The following STIMATE variants were observed in gnomAD, a reference collection of about 807,000 sequenced individuals.
STIMATE encodes STIM activating enhancer.
A neutral mutation model predicts 36.7 loss-of-function variants in STIMATE; 15 were observed. The observed-to-expected ratio is 0.41, with a 90% CI of 0.27 to 0.63. The LOEUF (loss-of-function observed/expected upper bound fraction) is 0.63, where lower values mean the gene tolerates loss of function less well. STIMATE is among the 20% of genes least tolerant of loss of function. The pLI is 0.32. For synonymous variants in STIMATE, 163 were observed against 162.3 expected (o/e 1.00, Z -0.03); for missense variants, 305 against 397.3 (o/e 0.77, Z 1.98).
At chr3:52,862,177 C>T (rs1457705385) in intron 1 of STIMATE, among the ~76,000 whole-genome samples, 1 of 152,194 alleles carries the variant, frequency 6.6e-6, no homozygotes, top group African/African-American at 2.4e-5. Context: ...CCTTACTCTC[C>T]TCCTTCCTTC....
intron 1 of STIMATE, among the ~76,000 whole-genome samples, chr3:52,887,780 A>C (rs1238005812): frequency 6.6e-6 from 1 of 152,170 alleles, no homozygotes; most frequent in Non-Finnish European, 1.5e-5. Context: ...TGCATCCAGG[A>C]TAAGGTCCTG....
intron 1 of STIMATE, chr3:52,896,066 C>A: frequency 3.3e-6 from 2 of 602,936 alleles, no homozygotes; most frequent in Admixed American, 2.4e-5. Context: ...TAAGACTTAT[C>A]AAGGACAGGC....
chr3:52,840,513 C>T lies in STIMATE; in HGVS notation c.866G>A (p.Arg289His), dbSNP rs540307757. 28 of 1,614,084 alleles carry T rather than the reference C, an allele frequency of 1.7e-5. No homozygotes were observed. In the East Asian group the frequency reaches 1.8e-4, roughly 10 times the overall value. The part of the protein sequence containing the change: ...PLKPVKKKKH[R>H]FGLPV ...AATGTGTCATACGGGTAGCCCAAAG[C>T]GGTGCTTCTTTTTCTTCACAGGCTT... The change falls in exon 8 of 8, where the codon CGC becomes CAC. Residue 289 changes from arginine to histidine, a missense_variant. Transcript: ENST00000355083.
At position 52,843,801 on chromosome 3, in the gene STIMATE, G is replaced by A. The variant is rs1486520779; in HGVS notation, c.541-3C>T. The stretch of plus-strand genomic sequence containing the variant: ...TCAATGGGATTCAACAGGGCCACCT[G>A]TAAAGAGAAGCAGACTCAGTGAGGT... On this transcript the variant is annotated splice_polypyrimidine_tract_variant and splice_region_variant and intron_variant, in intron 5 of 7. Transcript: ENST00000355083. 14 of 1,530,778 alleles carry A rather than the reference G, an allele frequency of 9.1e-6. No individual in the cohort carries two copies. The highest frequency in any genetic ancestry group is 1.2e-5 in the Non-Finnish European group (13 of 1,127,124). 94.8% of individuals were successfully genotyped at this position (1,530,778 alleles called of 1,614,324 possible).
rs899466589 is a variant in STIMATE, at chr3:52,895,758, G to C, written c.160+1533C>G. On this transcript the variant is annotated intron_variant, in intron 1 of 7. Transcript: ENST00000355083. ...AATCAAACCTATGGAAACAGCCAGA[G>C]CTAGGCTAAGAAACCTCAGGTTAGG... The C allele has an allele frequency of 7.1e-6, 4 of 560,406 alleles. No individual in the cohort carries two copies. In the African/African-American group the frequency reaches 7.9e-5, roughly 11 times the overall value. The allele number at this position is 560,406 out of a possible 1,614,324, so 34.7% of individuals were successfully genotyped here.
At chr3:52,893,619 AT>A (rs918772490) in intron 1 of STIMATE, among the ~76,000 whole-genome samples, 1 of 152,198 alleles carries the variant, frequency 6.6e-6, no homozygotes. Flanking sequence ...AGAAACTCTC[AT>A]TTAAGATATC....
At chr3:52,861,364 G>A (rs1429843629) in intron 1 of STIMATE, among the ~76,000 whole-genome samples, 1 of 152,166 alleles carries the variant, frequency 6.6e-6, no homozygotes, top group East Asian at 1.9e-4. Context: ...TTGTCCCCAA[G>A]CCACAGCAGG....
At chr3:52,875,023 T>TG (rs1287375966) in intron 1 of STIMATE, among the ~76,000 whole-genome samples, 18 of 152,256 alleles carry the variant, frequency 1.2e-4, no homozygotes, top group African/African-American at 3.9e-4. Context: ...AGACGGAAAA[T>TG]GCGCCACTTT....
rs1317312593 is a variant in STIMATE, at chr3:52,838,496, T to C, written c.*1998A>G. On this transcript the variant is annotated 3_prime_UTR_variant, in exon 8 of 8. Coordinates refer to ENST00000355083, the MANE Select transcript of STIMATE (RefSeq NM_198563.5). The stretch of plus-strand genomic sequence containing the variant: ...CTGTCAGGAACATGAGTCTTGGTCT[T>C]CCTAAATTCGACTGAGAATGGCCTG... 6.6e-6 allele frequency: 1 copy of C among 152,172 alleles called. No homozygotes were observed. Among genetic ancestry groups the C allele is most frequent in the African/African-American group, 2.4e-5 (1 of 41,430 alleles). 9.4% of individuals were successfully genotyped at this position (152,172 alleles called of 1,614,324 possible). A position where few individuals can be genotyped will look rare whatever the true frequency, so the allele number is the denominator to read the frequency against.
chr3:52,840,417 AG>A lies in STIMATE; in HGVS notation c.*76del. The A allele has an allele frequency of 2.0e-6, 3 of 1,487,872 alleles. No individual in the cohort carries two copies. Among genetic ancestry groups the A allele is most frequent in the Non-Finnish European group, 2.8e-6 (3 of 1,082,962 alleles). The allele number at this position is 1,487,872 out of a possible 1,614,324, so 92.2% of individuals were successfully genotyped here. A position where few individuals can be genotyped will look rare whatever the true frequency, so the allele number is the denominator to read the frequency against. On this transcript the variant is annotated 3_prime_UTR_variant, in exon 8 of 8. Transcript: ENST00000355083. ...AGAAAGGAAGGGCAGAGAGAGGGTA[AG>A]GAACGATGCTGCGGGATGACCTCTG...
chr3:52,889,552 C>T (rs1033061949), intron 1 of STIMATE, among the ~76,000 whole-genome samples: 3 of 152,182 alleles, frequency 2.0e-5, no homozygotes, highest in South Asian at 4.1e-4. Context: ...AATCTCTCTG[C>T]GACTCAATCT....
intron 1 of STIMATE, among the ~76,000 whole-genome samples, chr3:52,866,332 T>C (rs2106694732): frequency 6.6e-6 from 1 of 152,354 alleles, no homozygotes; most frequent in South Asian, 2.1e-4. Context: ...ATCAGGCCAC[T>C]TGGGTGCCAG....
intron 1 of STIMATE, among the ~76,000 whole-genome samples, chr3:52,894,729 G>C (rs1458734584): frequency 6.6e-6 from 1 of 152,208 alleles, no homozygotes; most frequent in African/African-American, 2.4e-5. Context: ...TCTACAGTCA[G>C]AGCTGGTCCA....
rs533453227 is a variant in STIMATE, at chr3:52,847,348, A to C, written c.428-2407T>G. 3.3e-4 allele frequency: 399 copies of C among 1,219,994 alleles called. 3 individuals are homozygous for C. The South Asian group carries it at 5.4e-3, about 17-fold the overall frequency. 75.6% of individuals were successfully genotyped at this position (1,219,994 alleles called of 1,614,324 possible). A position where few individuals can be genotyped will look rare whatever the true frequency, so the allele number is the denominator to read the frequency against. ...AACACATCTGTGGCGAGAGGCTTTC[A>C]AAAGGGAGAGTTTGGCCAGGGATGG... On this transcript the variant is annotated intron_variant, in intron 4 of 7. Coordinates refer to ENST00000355083, the MANE Select transcript of STIMATE (RefSeq NM_198563.5).
Position 52,839,777 on chromosome 3 carries a change from C to G in STIMATE, c.*717G>C, listed in dbSNP as rs1700763948. The G allele has an allele frequency of 1.3e-5, 2 of 152,338 alleles. No individual in the cohort carries two copies. The highest frequency in any genetic ancestry group is 4.8e-5 in the African/African-American group (2 of 41,428). 9.4% of individuals were successfully genotyped at this position (152,338 alleles called of 1,614,324 possible). A position where few individuals can be genotyped will look rare whatever the true frequency, so the allele number is the denominator to read the frequency against. On this transcript the variant is annotated 3_prime_UTR_variant, in exon 8 of 8. Transcript: ENST00000355083. ...CTCCCGATTTTTCCTCCTGCCAGCC[C>G]ACACCCCATGAAAGGCAAATAAACC...
In STIMATE at chr3:52,842,846, G is replaced by A. The variant is rs760689608; in HGVS notation, c.733C>T (p.Arg245Trp). 3.1e-5 allele frequency: 50 copies of A among 1,614,124 alleles called. No individual in the cohort carries two copies. Among genetic ancestry groups the A allele is most frequent in the Admixed American group, 5.0e-5 (3 of 60,014 alleles). ...DSRNGSKVRY[R>W]RAASHEESES... ...GACTCCTCGTGGGATGCGGCCCTCC[G>A]GTAGCGGACCTTGCTCCCATTCCTC... The change falls in exon 7 of 8, where the codon CGG (arginine) becomes TGG (tryptophan). Residue 245 changes from arginine (R) to tryptophan (W), a missense_variant. Physicochemically the swap from Arg to Trp is moderately radical, Grantham distance 101. This residue lies in a region of STIMATE where 84 missense variants were observed against 82.4 expected (regional missense o/e 1.02). Coordinates refer to ENST00000355083, the MANE Select transcript of STIMATE (RefSeq NM_198563.5).
rs145222390 is a variant in STIMATE at position 52,859,912 on chromosome 3, A to C, written c.161-4468T>G. ...TGTGCCCGTGCCTGTGGGTGCCCTGAGACAGCCACATATAGGAGCACCTTT... is the reference window on the plus strand; with the variant it reads ...TGTGCCCGTGCCTGTGGGTGCCCTGCGACAGCCACATATAGGAGCACCTTT... On this transcript the variant is annotated intron_variant, in intron 1 of 7. Transcript: ENST00000355083. Among the ~76,000 whole-genome samples, 1,796 of 152,126 alleles carry C rather than the reference A, an allele frequency of 0.012. 101 individuals carry two copies. The South Asian group carries it at 0.19, about 16-fold the overall frequency.
intron 1 of STIMATE, among the ~76,000 whole-genome samples, chr3:52,888,231 A>G (rs1437943622): frequency 1.3e-5 from 2 of 152,062 alleles, no homozygotes; most frequent in Non-Finnish European, 2.9e-5. Flanking sequence ...GCAGACTTGT[A>G]ACATACAACG....
intron 1 of STIMATE, chr3:52,895,732 C>T (rs934183286): frequency 4.9e-6 from 2 of 410,260 alleles, no homozygotes; most frequent in Non-Finnish European, 8.6e-6. Flanking sequence ...CCATCAGCAT[C>T]AATCAAACCT....
Sources: allele counts gnomAD v4.1 joint callset (sites outside exome capture counted in the v4.1 genomes callset), GRCh38; gene constraint gnomAD v4.1.1; regional missense constraint gnomAD v4.1.1; transcripts MANE v1.5; gene names NCBI Gene and HGNC (gene_info 2026-07-23, HGNC 2026-07-21).